Variants in CDH13 observed in about 807,000 individuals in gnomAD.
CDH13 encodes the protein cadherin-13.
Under a neutral mutation model 63.8 loss-of-function variants are expected in CDH13, and 24 were observed. The observed-to-expected ratio is 0.38, with a 90% confidence interval of 0.27 to 0.53. The LOEUF is 0.53. Among genes scored for constraint, CDH13 ranks in the 20% least tolerant of loss-of-function variants. The pLI is 0.85. For synonymous variants in CDH13, 503 were observed against 355.3 expected, an observed-to-expected ratio of 1.42 and a Z score of -4.67; for missense variants, 1,049 against 903.1, an observed-to-expected ratio of 1.16 and a Z score of -2.07.
chr16:83,020,683 A>G (rs759718473), intron 2 of CDH13, among the ~76,000 whole-genome samples: 36 of 152,130 alleles, frequency 2.4e-4, no homozygotes, highest in Non-Finnish European at 4.3e-4. Flanking sequence ...GGAAACCAAT[A>G]TTGTGTTCCT....
intron 8 of CDH13, among the ~76,000 whole-genome samples, chr16:83,634,692 C>A (rs982343193): frequency 5.9e-5 from 9 of 152,182 alleles, no homozygotes; most frequent in African/African-American, 2.2e-4. Context: ...TGAGCTACCA[C>A]ACCTGGCTGA....
chr16:83,100,938 A>G (rs749224308), intron 3 of CDH13, among the ~76,000 whole-genome samples: 5 of 152,214 alleles, frequency 3.3e-5, no homozygotes, highest in Non-Finnish European at 7.3e-5. Context: ...AAAGTTGCAT[A>G]ATAGATACTC....
At chr16:83,258,122 G>A (rs1482181525) in intron 5 of CDH13, among the ~76,000 whole-genome samples, 18 of 152,052 alleles carry the variant, frequency 1.2e-4, no homozygotes, top group Non-Finnish European at 1.2e-4. Flanking sequence ...GGTTATTTGG[G>A]GGCTATTTCT....
chr16:82,805,862 C>G (rs901985663), intron 1 of CDH13, among the ~76,000 whole-genome samples: 5 of 152,182 alleles, frequency 3.3e-5, no homozygotes, highest in Admixed American at 6.5e-5. Context: ...TTGACGAACT[C>G]TAGTGTGCAA....
chr16:83,095,880 C>A (rs181311957), intron 3 of CDH13, among the ~76,000 whole-genome samples: 1 of 152,074 alleles, frequency 6.6e-6, no homozygotes, highest in Non-Finnish European at 1.5e-5. Flanking sequence ...TGAGAGAAGC[C>A]CATAAAACAA....
At chr16:82,954,265 G>A (rs191624171) in intron 2 of CDH13, 1 of 152,280 alleles carries the variant, frequency 6.6e-6, no homozygotes, top group African/African-American at 2.4e-5. Flanking sequence ...TTAGTTCAGA[G>A]CTGCTTTCAG....
chr16:83,213,707 G>A (rs934512699), intron 4 of CDH13, among the ~76,000 whole-genome samples: 6 of 152,170 alleles, frequency 3.9e-5, no homozygotes, highest in Non-Finnish European at 8.8e-5. Context: ...AGAACAAGAG[G>A]AAGGAGTTTT....
chr16:83,322,703 C>G (rs1482614320), intron 5 of CDH13, among the ~76,000 whole-genome samples: 2 of 152,110 alleles, frequency 1.3e-5, no homozygotes, highest in African/African-American at 4.8e-5. Context: ...AAGGCAACAT[C>G]TAGACGTTCT....
chr16:83,479,839 G>T (rs2073712278), intron 6 of CDH13, among the ~76,000 whole-genome samples: 2 of 152,284 alleles, frequency 1.3e-5, no homozygotes, highest in Admixed American at 1.3e-4. Flanking sequence ...GCCCTGCAAG[G>T]GGCCATAGCA....
At chr16:83,311,839 C>T (rs1481607163) in intron 5 of CDH13, among the ~76,000 whole-genome samples, 1 of 152,104 alleles carries the variant, frequency 6.6e-6, no homozygotes. Context: ...CTTTGGGAGG[C>T]CAAGGCGGGT....
intron 2 of CDH13, among the ~76,000 whole-genome samples, chr16:82,863,069 C>T (rs150472623): frequency 1.1e-4 from 17 of 152,240 alleles, no homozygotes; most frequent in Non-Finnish European, 2.2e-4. Flanking sequence ...GTCTGGCAAA[C>T]GTAGAAGAAC....
intron 7 of CDH13, among the ~76,000 whole-genome samples, chr16:83,499,897 G>T (rs2074231641): frequency 6.6e-6 from 1 of 152,110 alleles, no homozygotes; most frequent in African/African-American, 2.4e-5. Context: ...CCACCTCCCG[G>T]GTTCAAGCAA....
At chr16:82,914,171 C>T (rs2041916474) in intron 2 of CDH13, among the ~76,000 whole-genome samples, 1 of 152,118 alleles carries the variant, frequency 6.6e-6, no homozygotes, top group African/African-American at 2.4e-5. Flanking sequence ...TCACTAGACT[C>T]TAGGGCAGGC....
In CDH13 at chr16:82,877,924, G is replaced by GACACACACACACAC. The variant is rs1213536997; in HGVS notation, c.157+19475_157+19488dup. Among the ~76,000 whole-genome samples, 640 of 129,332 alleles carry GACACACACACACAC rather than the reference G, an allele frequency of 4.9e-3. 6 individuals carry two copies. The highest frequency in any genetic ancestry group is 0.014 in the African/African-American group (494 of 35,398). The allele number at this position is 129,332 out of a possible 152,430, so 84.8% of individuals were successfully genotyped here. A position where few individuals can be genotyped will look rare whatever the true frequency, so the allele number is the denominator to read the frequency against. On this transcript the variant is annotated intron_variant, in intron 2 of 13. Transcript: ENST00000567109. ...AGGTGGAAATACATACATACACATA[G>GACACACACACACAC]ACACACACACACACACACACACACA...
intron 11 of CDH13, among the ~76,000 whole-genome samples, chr16:83,767,243 CCACCCAAATCT>C (rs1209326233): frequency 6.6e-6 from 1 of 152,050 alleles, no homozygotes; most frequent in Non-Finnish European, 1.5e-5. Context: ...GGCTGTGTCC[CCACCCAAATCT>C]CACCTTGAGT....
At chr16:83,719,976 A>C (rs1909472918) in intron 10 of CDH13, among the ~76,000 whole-genome samples, 1 of 152,284 alleles carries the variant, frequency 6.6e-6, no homozygotes, top group South Asian at 2.1e-4. Context: ...GAGGCCTTGC[A>C]AGGGCTACTG....
At chr16:82,856,788 G>C (rs1286877782) in intron 1 of CDH13, among the ~76,000 whole-genome samples, 1 of 150,314 alleles carries the variant, frequency 6.7e-6, no homozygotes, top group Admixed American at 6.6e-5. Context: ...AGTCAGGGAA[G>C]AGAAGGCAGG....
intron 3 of CDH13, among the ~76,000 whole-genome samples, chr16:83,055,083 T>G (rs2030778403): frequency 6.6e-6 from 1 of 152,060 alleles, no homozygotes; most frequent in African/African-American, 2.4e-5. Context: ...TATGTTGAAA[T>G]ATTCCATGGG....
intron 11 of CDH13, among the ~76,000 whole-genome samples, chr16:83,779,406 C>CAAAAAAAAA (rs144757645): frequency 7.3e-5 from 6 of 82,578 alleles, no homozygotes; most frequent in Non-Finnish European, 8.2e-5. Flanking sequence ...GACTCCATCT[C>CAAAAAAAAA]AAAAAAAAAA....
Sources: allele counts gnomAD v4.1 joint callset (sites outside exome capture counted in the v4.1 genomes callset), GRCh38; gene constraint gnomAD v4.1.1; transcripts MANE v1.5; gene names NCBI Gene and HGNC (gene_info 2026-07-23, HGNC 2026-07-21).